The following ZNF407 variants were observed in gnomAD, a reference collection of about 807,000 sequenced individuals.
ZNF407 encodes the protein zinc finger protein 407.
ZNF407 carries 17 observed loss-of-function variants against 131.2 expected under a neutral mutation model. The observed-to-expected ratio is 0.13, with a 90% CI of 0.09 to 0.19. ZNF407 has a LOEUF of 0.19. ZNF407 is among the 10% of genes least tolerant of loss of function. The probability of loss-of-function intolerance (pLI) is 1.00; values close to 1 mark genes in which losing one functional copy is unlikely to be tolerated. For missense variants in ZNF407, 2,681 were observed against 2,830.6 expected (o/e 0.95, Z 1.20); for synonymous variants, 1,156 against 1,062.0 (o/e 1.09, Z -1.72).
intron 3 of ZNF407, among the ~76,000 whole-genome samples, chr18:74,748,895 G>A (rs900119818): frequency 6.6e-6 from 1 of 152,152 alleles, no homozygotes; most frequent in Non-Finnish European, 1.5e-5. Context: ...ATCACCTCCT[G>A]TAACTGAAAG....
intron 3 of ZNF407, among the ~76,000 whole-genome samples, chr18:74,778,794 G>A (rs1969529320): frequency 6.6e-6 from 1 of 152,024 alleles, no homozygotes; most frequent in African/African-American, 2.4e-5. Flanking sequence ...CCCCCTCACA[G>A]CTAGCACATA....
intron 8 of ZNF407, among the ~76,000 whole-genome samples, chr18:74,962,626 A>T (rs1443543261): frequency 6.6e-6 from 1 of 152,206 alleles, no homozygotes; most frequent in African/African-American, 2.4e-5. Context: ...TGCCATGCCC[A>T]GTCCTCCATG....
intron 3 of ZNF407, among the ~76,000 whole-genome samples, chr18:74,723,204 A>T (rs1568183329): frequency 6.6e-6 from 1 of 152,158 alleles, no homozygotes; most frequent in Non-Finnish European, 1.5e-5. Flanking sequence ...TCTTTTAAGC[A>T]TATTTCCTTA....
chr18:74,859,598 G>A (rs1368961307), intron 4 of ZNF407, among the ~76,000 whole-genome samples: 1 of 152,182 alleles, frequency 6.6e-6, no homozygotes, highest in African/African-American at 2.4e-5. Flanking sequence ...GAAAGTATAG[G>A]ATAGGTTTCA....
intron 3 of ZNF407, among the ~76,000 whole-genome samples, chr18:74,716,176 T>C (rs1599093979): frequency 6.6e-6 from 1 of 152,328 alleles, no homozygotes; most frequent in Middle Eastern, 3.4e-3. Context: ...TCTTGAGAGG[T>C]GATGCTGCTA....
At chr18:75,049,263 C>CT (rs1347048114) in intron 8 of ZNF407, among the ~76,000 whole-genome samples, 1 of 152,066 alleles carries the variant, frequency 6.6e-6, no homozygotes, top group African/African-American at 2.4e-5. Flanking sequence ...TGTTGGGTGG[C>CT]TAAGAGCTGA....
In ZNF407 at chr18:75,065,580, C is replaced by CA. The variant is rs1389068294; in HGVS notation, c.*1116dup. 2.0e-5 allele frequency: 3 copies of CA among 152,158 alleles called. No individual in the cohort carries two copies. Among genetic ancestry groups the CA allele is most frequent in the Admixed American group, 2.0e-4 (3 of 15,266 alleles). The allele number at this position is 152,158 out of a possible 1,614,324, so 9.4% of individuals were successfully genotyped here. A position where few individuals can be genotyped will look rare whatever the true frequency, so the allele number is the denominator to read the frequency against. On this transcript the variant is annotated 3_prime_UTR_variant, in exon 9 of 9. Coordinates refer to ENST00000299687, the MANE Select transcript of ZNF407 (RefSeq NM_017757.3). ...TGATACAATTGTTCTTATTCTTTTC[C>CA]AAAACTGTAAAATAATCTCCTCCCT...
At chr18:74,716,796 C>G (rs1220057810) in intron 3 of ZNF407, among the ~76,000 whole-genome samples, 1 of 152,116 alleles carries the variant, frequency 6.6e-6, no homozygotes, top group Admixed American at 6.5e-5. Context: ...GTAGTTCAGC[C>G]TACTTATGTT....
At chr18:74,852,193 ACACACG>A (rs747314244) in intron 4 of ZNF407, among the ~76,000 whole-genome samples, 5,973 of 67,858 alleles carry the variant, frequency 0.088, 125 homozygotes, top group African/African-American at 0.15. Context: ...ACACACACAC[ACACACG>A]CACGCACGCA....
chr18:74,871,338 A>G (rs1971084321), intron 4 of ZNF407, among the ~76,000 whole-genome samples: 1 of 152,232 alleles, frequency 6.6e-6, no homozygotes, highest in Non-Finnish European at 1.5e-5. Context: ...TCTTGAAAAA[A>G]GAAGGCTTTT....
chr18:74,634,127 A>G lies in ZNF407; in HGVS notation c.3108A>G (p.Val1036=). Residue 1036 remains valine (V), a synonymous_variant, in exon 2 of 9, where the codon GTA becomes GTG. Transcript: ENST00000299687. ...AHSSASLELH[V]KRKHTKEFEF... The stretch of plus-strand genomic sequence containing the variant: ...CCTCTGCTTCTCTAGAGCTGCATGT[A>G]AAACGGAAACATACAAAAGAGTTTG... 6.2e-7 allele frequency: 1 copy of G among 1,614,070 alleles called. No individual in the cohort carries two copies. Among genetic ancestry groups the G allele is most frequent in the Non-Finnish European group, 8.5e-7 (1 of 1,179,908 alleles).
intron 4 of ZNF407, among the ~76,000 whole-genome samples, chr18:74,814,455 G>C (rs987630172): frequency 6.6e-6 from 1 of 152,092 alleles, no homozygotes; most frequent in Non-Finnish European, 1.5e-5. Flanking sequence ...TAAATGATTG[G>C]TATTAGTCTT....
At chr18:74,724,458 A>G (rs1968110525) in intron 3 of ZNF407, among the ~76,000 whole-genome samples, 1 of 152,140 alleles carries the variant, frequency 6.6e-6, no homozygotes, top group Non-Finnish European at 1.5e-5. Context: ...CCCATTGGCC[A>G]GTCTCTTCCC....
At chr18:74,630,326 A>T (rs2144658174) in intron 1 of ZNF407, among the ~76,000 whole-genome samples, 1 of 152,056 alleles carries the variant, frequency 6.6e-6, no homozygotes, top group African/African-American at 2.4e-5. Flanking sequence ...GCCTGCCACC[A>T]TACCTGGCTA....
At chr18:74,839,347 T>G (rs1970600604) in intron 4 of ZNF407, among the ~76,000 whole-genome samples, 1 of 152,198 alleles carries the variant, frequency 6.6e-6, no homozygotes, top group Admixed American at 6.5e-5. Flanking sequence ...TTACAAGGAA[T>G]TGTGTTATGC....
intron 1 of ZNF407, among the ~76,000 whole-genome samples, chr18:74,601,330 T>TGC (rs1491215907): frequency 1.8e-3 from 5 of 2,712 alleles, no homozygotes; most frequent in African/African-American, 6.0e-3. Flanking sequence ...TGTGTATGTC[T>TGC]GTGTGTGTGT....
At chr18:74,618,947 A>G (rs2144635264) in intron 1 of ZNF407, among the ~76,000 whole-genome samples, 1 of 152,342 alleles carries the variant, frequency 6.6e-6, no homozygotes, top group East Asian at 1.9e-4. Context: ...ATTGGCATAT[A>G]GAATTACAGT....
At chr18:75,034,461 G>T (rs181778061) in intron 8 of ZNF407, among the ~76,000 whole-genome samples, 2 of 151,834 alleles carry the variant, frequency 1.3e-5, no homozygotes, top group Non-Finnish European at 2.9e-5. Context: ...GCGCCACCAT[G>T]CCCGGCTAAT....
intron 8 of ZNF407, among the ~76,000 whole-genome samples, chr18:75,045,826 T>C (rs903395525): frequency 2.0e-5 from 3 of 152,072 alleles, no homozygotes; most frequent in Admixed American, 6.5e-5. Context: ...CAAGTATGCA[T>C]TGGGGGGAGG....
Sources: gnomAD v4.1 joint callset for allele counts (sites outside exome capture counted in the v4.1 genomes callset) on GRCh38, gnomAD v4.1.1 for gene constraint, MANE v1.5 for transcripts, NCBI Gene and HGNC (gene_info 2026-07-23, HGNC 2026-07-21) for gene names.